XKR9: variants seen among roughly 807,000 people sequenced by gnomAD.
XKR9 encodes the protein XK-related protein 9.
A neutral mutation model predicts 32.0 loss-of-function variants in XKR9; 32 were observed. The observed-to-expected ratio is 1.00, with a 90% CI of 0.76 to 1.34. The LOEUF is 1.34. XKR9 is among the 40% of genes most tolerant of loss of function. The pLI is 0.00. For missense variants in XKR9, 546 were observed against 429.7 expected (o/e 1.27, Z -2.39); for synonymous variants, 168 against 143.4 (o/e 1.17, Z -1.22).
At chr8:70,788,610 A>G (rs906874800) in intron 2 of XKR9, among the ~76,000 whole-genome samples, 10 of 152,158 alleles carry the variant, frequency 6.6e-5, no homozygotes, top group Non-Finnish European at 1.5e-4. Context: ...AATAGCATAT[A>G]TAGTTTCAAA....
intron 4 of XKR9, among the ~76,000 whole-genome samples, chr8:70,716,299 A>C (rs990475094): frequency 3.9e-5 from 6 of 152,194 alleles, no homozygotes; most frequent in Non-Finnish European, 8.8e-5. Flanking sequence ...AAAAGTAAGC[A>C]ATAAAAACAC....
At chr8:70,690,628 C>T (rs1365253044) in intron 3 of XKR9, among the ~76,000 whole-genome samples, 1 of 151,746 alleles carries the variant, frequency 6.6e-6, no homozygotes, top group African/African-American at 2.4e-5. Flanking sequence ...GGATTACAGG[C>T]GTGAGCCACC....
chr8:70,697,043 G>C (rs1805306196), intron 3 of XKR9, among the ~76,000 whole-genome samples: 1 of 151,986 alleles, frequency 6.6e-6, no homozygotes, highest in South Asian at 2.1e-4. Flanking sequence ...TGTATCCTGA[G>C]ACTTTGCCGA....
chr8:70,682,415 C>G (rs995106995), intron 3 of XKR9, among the ~76,000 whole-genome samples: 7 of 152,068 alleles, frequency 4.6e-5, no homozygotes, highest in Admixed American at 1.3e-4. Flanking sequence ...ATTTGCACAT[C>G]TACAGAACTA....
the XKR9 span, among the ~76,000 whole-genome samples, chr8:70,910,123 C>T: frequency 3.9e-5 from 6 of 151,910 alleles, no homozygotes; most frequent in East Asian, 1.2e-3. Context: ...GGCAGGTTCT[C>T]ATTGTTGCTA....
chr8:70,950,051 A>G, the XKR9 span, among the ~76,000 whole-genome samples: 1 of 152,186 alleles, frequency 6.6e-6, no homozygotes, highest in African/African-American at 2.4e-5. Context: ...AATAGTTAAG[A>G]AAACATGCTT....
chr8:70,791,514 G>A (rs1436440354), downstream of XKR9, among the ~76,000 whole-genome samples: 3 of 152,048 alleles, frequency 2.0e-5, no homozygotes, highest in Non-Finnish European at 1.5e-5. Flanking sequence ...CCTTATGAAT[G>A]GATTAATGTT....
At chr8:70,755,293 A>G (rs1434920297) in intron 2 of XKR9, among the ~76,000 whole-genome samples, 3 of 152,148 alleles carry the variant, frequency 2.0e-5, no homozygotes, top group Non-Finnish European at 4.4e-5. Flanking sequence ...AAATAGGAAC[A>G]CTTTTACACT....
At chr8:70,793,471 C>T (rs1807790770), downstream of XKR9, among the ~76,000 whole-genome samples, 1 of 152,058 alleles carries the variant, frequency 6.6e-6, no homozygotes, top group Non-Finnish European at 1.5e-5. Flanking sequence ...ATGCACTTGG[C>T]CATCTTGGCA....
intron 3 of XKR9, among the ~76,000 whole-genome samples, chr8:70,690,322 T>A (rs1819466097): frequency 6.6e-6 from 1 of 152,110 alleles, no homozygotes; most frequent in Non-Finnish European, 1.5e-5. Context: ...CATAAGTTCT[T>A]ACAATTTAGC....
chr8:70,980,408 A>C, the XKR9 span, among the ~76,000 whole-genome samples: 1 of 152,052 alleles, frequency 6.6e-6, no homozygotes, highest in East Asian at 1.9e-4. Flanking sequence ...ACCTCTCCCT[A>C]CTGTTGCTTT....
At chr8:70,863,108 A>G in the XKR9 span, among the ~76,000 whole-genome samples, 3 of 152,124 alleles carry the variant, frequency 2.0e-5, no homozygotes, top group Non-Finnish European at 4.4e-5. Context: ...GGAGCCAGAG[A>G]GACTAGAGCC....
chr8:70,911,920 A>G, the XKR9 span, among the ~76,000 whole-genome samples: 1 of 152,200 alleles, frequency 6.6e-6, no homozygotes, highest in African/African-American at 2.4e-5. Flanking sequence ...CATACACATA[A>G]GAGAATAAAG....
At chr8:70,785,452 T>C (rs2130259882) in intron 2 of XKR9, among the ~76,000 whole-genome samples, 1 of 151,784 alleles carries the variant, frequency 6.6e-6, no homozygotes, top group African/African-American at 2.4e-5. Context: ...AATCAACTCA[T>C]TTTCATTGAT....
At chr8:70,738,925 A>C (rs1404435796), downstream of XKR9, among the ~76,000 whole-genome samples, 1 of 152,104 alleles carries the variant, frequency 6.6e-6, no homozygotes, top group Admixed American at 6.6e-5. Context: ...GTGGTGTGGT[A>C]CTGAAAGAAA....
chr8:70,923,687 G>A, the XKR9 span, among the ~76,000 whole-genome samples: 1 of 152,206 alleles, frequency 6.6e-6, no homozygotes, highest in Admixed American at 6.5e-5. Context: ...ATGTGATGTG[G>A]TGTTGAAGTG....
At chr8:70,716,183 A>G (rs1302786413) in intron 4 of XKR9, among the ~76,000 whole-genome samples, 1 of 152,164 alleles carries the variant, frequency 6.6e-6, no homozygotes, top group African/African-American at 2.4e-5. Flanking sequence ...TTGCTAAGAA[A>G]TAATTAGAGG....
chr8:70,938,282 T>C, the XKR9 span, among the ~76,000 whole-genome samples: 4 of 151,738 alleles, frequency 2.6e-5, no homozygotes, highest in South Asian at 8.3e-4. Flanking sequence ...GTGCTTGTCG[T>C]CTGTGTATTT....
At chr8:71,006,333 GA>G in the XKR9 span, among the ~76,000 whole-genome samples, 2 of 49,530 alleles carry the variant, frequency 4.0e-5, no homozygotes, top group Non-Finnish European at 1.3e-4. Context: ...ATTTAAAAAA[GA>G]TTTTTTTTTT....
Sources: allele counts gnomAD v4.1 joint callset (sites outside exome capture counted in the v4.1 genomes callset), GRCh38; gene constraint gnomAD v4.1.1; transcripts MANE v1.5; gene names NCBI Gene and HGNC (gene_info 2026-07-23, HGNC 2026-07-21).